Variants in SLC25A21 observed in about 807,000 individuals in gnomAD.
SLC25A21 encodes the protein mitochondrial 2-oxodicarboxylate carrier.
A neutral mutation model predicts 43.8 loss-of-function variants in SLC25A21; 47 were observed. The observed-to-expected ratio is 1.07, with a 90% confidence interval of 0.85 to 1.37. The LOEUF is 1.37. Ranked by LOEUF, SLC25A21 falls within the 40% of genes most tolerant of loss-of-function variation. SLC25A21 has a pLI of 0.00. For missense variants in SLC25A21, 352 were observed against 350.2 expected (o/e 1.00, Z -0.04); for synonymous variants, 131 against 121.3 (o/e 1.08, Z -0.52).
chr14:36,966,035 T>G (rs1021202228), intron 1 of SLC25A21, among the ~76,000 whole-genome samples: 1 of 152,156 alleles, frequency 6.6e-6, no homozygotes, highest in Non-Finnish European at 1.5e-5. Context: ...AATTAAAAGT[T>G]TTTAAAAATT....
At chr14:37,072,417 A>C (rs996632406) in intron 1 of SLC25A21, among the ~76,000 whole-genome samples, 4 of 152,138 alleles carry the variant, frequency 2.6e-5, no homozygotes, top group Non-Finnish European at 5.9e-5. Flanking sequence ...GGGGATGTGC[A>C]GGGTCTTATG....
chr14:37,005,444 AT>A (rs1960581265), intron 1 of SLC25A21, among the ~76,000 whole-genome samples: 1 of 152,148 alleles, frequency 6.6e-6, no homozygotes, highest in African/African-American at 2.4e-5. Context: ...ATTACACTTT[AT>A]TAAATTGCTA....
chr14:36,988,454 C>A (rs1960193156), intron 1 of SLC25A21, among the ~76,000 whole-genome samples: 1 of 152,084 alleles, frequency 6.6e-6, no homozygotes, highest in African/African-American at 2.4e-5. Flanking sequence ...AAGTATGGGG[C>A]CTTCAAAACA....
In SLC25A21 at chr14:37,084,552, T is replaced by C. The variant is rs76204493; in HGVS notation, c.70+87729A>G. Among the ~76,000 whole-genome samples the C allele has an allele frequency of 0.018, 2,784 of 152,334 alleles. 201 individuals are homozygous for C. In the East Asian group the frequency reaches 0.26, roughly 14 times the overall value. On this transcript the variant is annotated intron_variant, in intron 1 of 9. Transcript: ENST00000331299. Reference sequence around the variant, plus strand: ...AAAATATGTTGTTTCTAACAAAACATGTTTTTCTACCAAAATATGTTGTTA... The same window carrying C: ...AAAATATGTTGTTTCTAACAAAACACGTTTTTCTACCAAAATATGTTGTTA...
intron 1 of SLC25A21, among the ~76,000 whole-genome samples, chr14:37,016,060 G>C (rs1960848284): frequency 6.6e-6 from 1 of 151,998 alleles, no homozygotes; most frequent in Non-Finnish European, 1.5e-5. Flanking sequence ...GATCCGATTT[G>C]TCAATTTTGG....
chr14:36,966,529 C>T (rs533810066), intron 1 of SLC25A21, among the ~76,000 whole-genome samples: 1 of 152,260 alleles, frequency 6.6e-6, no homozygotes, highest in South Asian at 2.1e-4. Context: ...GCATCACGAT[C>T]TTATCATTTC....
chr14:36,767,475 T>G (rs1431200723), intron 3 of SLC25A21, among the ~76,000 whole-genome samples: 1 of 152,202 alleles, frequency 6.6e-6, no homozygotes. Context: ...CTATTTGCCT[T>G]AGAGAGAAGC....
intron 2 of SLC25A21, among the ~76,000 whole-genome samples, chr14:36,843,707 C>T (rs1594634490): frequency 6.6e-6 from 1 of 152,180 alleles, no homozygotes; most frequent in Non-Finnish European, 1.5e-5. Flanking sequence ...AATGTTGTCA[C>T]TTCATTCACG....
At chr14:37,012,420 C>A (rs535172705) in intron 1 of SLC25A21, among the ~76,000 whole-genome samples, 1 of 152,070 alleles carries the variant, frequency 6.6e-6, no homozygotes, top group Non-Finnish European at 1.5e-5. Flanking sequence ...GTCTCAAGCT[C>A]CCTTAAAATG....
At position 37,160,015 on chromosome 14, in the gene SLC25A21, A is replaced by G. The variant is rs140874311; in HGVS notation, c.70+12266T>C. On this transcript the variant is annotated intron_variant, in intron 1 of 9. Coordinates refer to ENST00000331299, the MANE Select transcript of SLC25A21 (RefSeq NM_030631.4). The stretch of plus-strand genomic sequence containing the variant: ...AAATGCAAATCAAAACCACAATGAG[A>G]TATCATCTCTACCCAGTTAGAATGG... Among the ~76,000 whole-genome samples, 839 of 152,332 alleles carry G rather than the reference A, an allele frequency of 5.5e-3. 9 individuals are homozygous for G. Among genetic ancestry groups the G allele is most frequent in the African/African-American group, 0.02 (815 of 41,570 alleles).
At chr14:36,820,888 C>T (rs1192331476) in intron 2 of SLC25A21, among the ~76,000 whole-genome samples, 4 of 152,144 alleles carry the variant, frequency 2.6e-5, no homozygotes, top group Non-Finnish European at 1.5e-5. Flanking sequence ...TCAATAAACA[C>T]TTGAGAAGCC....
chr14:36,973,023 AT>A (rs375803331), intron 1 of SLC25A21, among the ~76,000 whole-genome samples: 17 of 61,984 alleles, frequency 2.7e-4, no homozygotes, highest in African/African-American at 1.6e-3. Flanking sequence ...TTATTTATTT[AT>A]TTTATTTTAT....
At chr14:37,061,002 A>G (rs1465786359) in intron 1 of SLC25A21, among the ~76,000 whole-genome samples, 3 of 152,046 alleles carry the variant, frequency 2.0e-5, no homozygotes, top group Non-Finnish European at 4.4e-5. Context: ...CTGTCCCAGG[A>G]ATTACAGTTC....
intron 1 of SLC25A21, among the ~76,000 whole-genome samples, chr14:37,060,548 G>T (rs1273743969): frequency 1.3e-5 from 2 of 151,682 alleles, no homozygotes; most frequent in Non-Finnish European, 1.5e-5. Context: ...AAAAAATCCA[G>T]ATTTTAATGT....
rs1224854492 is a variant in SLC25A21 at position 36,704,642 on chromosome 14, G to T, written c.603+6676C>A. On this transcript the variant is annotated intron_variant, in intron 7 of 9. Transcript: ENST00000331299. The stretch of plus-strand genomic sequence containing the variant: ...ACTGCACTCCAGCCTGGGCAACAGA[G>T]CGAGACTCCGTCTCAAAAAAAAAAA... Among the ~76,000 whole-genome samples, 22 of 143,672 alleles carry T rather than the reference G, an allele frequency of 1.5e-4. No homozygotes were observed. The Admixed American group carries it at 1.6e-3, about 10-fold the overall frequency. 94.3% of individuals were successfully genotyped at this position (143,672 alleles called of 152,430 possible).
At chr14:36,918,022 G>A (rs921239830) in intron 1 of SLC25A21, among the ~76,000 whole-genome samples, 5 of 151,996 alleles carry the variant, frequency 3.3e-5, no homozygotes, top group South Asian at 2.1e-4. Flanking sequence ...CTTTGTATAC[G>A]CATATCTACA....
At chr14:36,697,513 T>C (rs1883080076) in intron 7 of SLC25A21, among the ~76,000 whole-genome samples, 2 of 152,156 alleles carry the variant, frequency 1.3e-5, no homozygotes, top group South Asian at 2.1e-4. Context: ...AGTGGGGTGT[T>C]AAAGTCTCCC....
At position 37,108,986 on chromosome 14, in the gene SLC25A21, C is replaced by G. The variant is rs1179506125; in HGVS notation, c.70+63295G>C. ...ACTTTCCTACTCCTCTTTAATTTAT[C>G]AGCTCACTAAGTGTACTCATCTCTT... On this transcript the variant is annotated intron_variant, in intron 1 of 9. Transcript: ENST00000331299. 2.0e-5 allele frequency among the ~76,000 whole-genome samples: 3 copies of G among 152,062 alleles called. No homozygotes were observed. The East Asian group carries it at 5.8e-4, about 29-fold the overall frequency.
intron 3 of SLC25A21, among the ~76,000 whole-genome samples, chr14:36,770,721 T>A (rs1311690621): frequency 6.6e-6 from 1 of 152,196 alleles, no homozygotes; most frequent in East Asian, 1.9e-4. Context: ...AAATCAGACT[T>A]GACTTATGTC....
Sources: allele counts gnomAD v4.1 joint callset (sites outside exome capture counted in the v4.1 genomes callset), GRCh38; gene constraint gnomAD v4.1.1; transcripts MANE v1.5; gene names NCBI Gene and HGNC (gene_info 2026-07-23, HGNC 2026-07-21).